SLC6A15: variants seen among roughly 807,000 people sequenced by gnomAD.
SLC6A15 encodes the protein sodium-dependent neutral amino acid transporter B(0)AT2.
A neutral mutation model predicts 68.5 loss-of-function variants in SLC6A15; 33 were observed. That is an observed-to-expected ratio of 0.48 (90% CI 0.37 to 0.64). SLC6A15 has a LOEUF of 0.64. Among genes scored for constraint, SLC6A15 ranks in the 30% least tolerant of loss-of-function variants. SLC6A15 has a pLI of 0.00. For synonymous variants in SLC6A15, 347 were observed against 301.0 expected (o/e 1.15, Z -1.58); for missense variants, 747 against 874.3 (o/e 0.85, Z 1.84).
intron 5 of SLC6A15, among the ~76,000 whole-genome samples, chr12:84,878,223 A>G (rs1871648008): frequency 6.6e-6 from 1 of 152,220 alleles, no homozygotes; most frequent in Admixed American, 6.5e-5. Flanking sequence ...TTTTAACTTA[A>G]TTGGTTGTAA....
At chr12:84,900,407 T>C (rs1418469984) in intron 1 of SLC6A15, among the ~76,000 whole-genome samples, 1 of 151,990 alleles carries the variant, frequency 6.6e-6, no homozygotes, top group Non-Finnish European at 1.5e-5. Context: ...TCAATAATGA[T>C]AATTTAACTT....
At chr12:84,884,135 T>C in intron 4 of SLC6A15, 95 bp from the exon 5 acceptor site, 4 of 1,007,536 alleles carry the variant, frequency 4.0e-6, no homozygotes, top group Non-Finnish European at 5.9e-6. Flanking sequence ...TTCTTAATGC[T>C]TCCTAGAAAA....
At chr12:84,864,898 A>G (rs1871005483) in intron 10 of SLC6A15, among the ~76,000 whole-genome samples, 1 of 152,118 alleles carries the variant, frequency 6.6e-6, no homozygotes, top group Non-Finnish European at 1.5e-5. Flanking sequence ...TTAGCATACT[A>G]CCTCACATAT....
At chr12:84,879,693 G>T (rs984889906) in intron 5 of SLC6A15, among the ~76,000 whole-genome samples, 4 of 151,772 alleles carry the variant, frequency 2.6e-5, no homozygotes, top group African/African-American at 9.7e-5. Flanking sequence ...ACAATATGTT[G>T]CAATATGGTT....
At chr12:84,893,306 C>CT (rs1872501583) in intron 1 of SLC6A15, among the ~76,000 whole-genome samples, 1 of 152,016 alleles carries the variant, frequency 6.6e-6, no homozygotes, top group Non-Finnish European at 1.5e-5. Context: ...TGAGGTCATA[C>CT]CCAATCATAA....
chr12:84,903,554 G>T (rs1872988912), intron 1 of SLC6A15, among the ~76,000 whole-genome samples: 1 of 152,100 alleles, frequency 6.6e-6, no homozygotes. Flanking sequence ...CGTTACCAGG[G>T]TGGTATTTTC....
In SLC6A15 at chr12:84,901,840, T is replaced by G. The variant is rs183838576; in HGVS notation, c.-188-9532A>C. Reference sequence around the variant, plus strand: ...TAAAATTTCACTGAAAAAAAAGTTTTATTTAAATACAAACTAATTTGAATA... The same window carrying G: ...TAAAATTTCACTGAAAAAAAAGTTTGATTTAAATACAAACTAATTTGAATA... On this transcript the variant is annotated intron_variant, in intron 1 of 11. Coordinates refer to ENST00000266682, the MANE Select transcript of SLC6A15 (RefSeq NM_182767.6). Among the ~76,000 whole-genome samples, 4 of 152,024 alleles carry G rather than the reference T, an allele frequency of 2.6e-5. No individual in the cohort carries two copies. In the East Asian group the frequency reaches 7.7e-4, roughly 29 times the overall value.
intron 5 of SLC6A15, chr12:84,883,274 C>T (rs905933590): frequency 6.1e-6 from 6 of 985,376 alleles, no homozygotes; most frequent in South Asian, 9.4e-5. Context: ...TTTTAAACCA[C>T]AACCATTCTA....
At chr12:84,875,689 TATATATATATGAG>T (rs1307362717) in intron 6 of SLC6A15, among the ~76,000 whole-genome samples, 5 of 2,450 alleles carry the variant, frequency 2.0e-3, no homozygotes, top group Non-Finnish European at 5.0e-3. Context: ...TATATATATA[TATATATATATGAG>T]AATCAAAAAC....
At chr12:84,903,117 A>T (rs1872963303) in intron 1 of SLC6A15, among the ~76,000 whole-genome samples, 1 of 152,282 alleles carries the variant, frequency 6.6e-6, no homozygotes, top group Non-Finnish European at 1.5e-5. Flanking sequence ...TGAAATCGTA[A>T]TTATTTCAAA....
intron 5 of SLC6A15, chr12:84,883,435 T>C: frequency 9.1e-7 from 1 of 1,097,652 alleles, no homozygotes; most frequent in Non-Finnish European, 1.1e-6. Context: ...CAGCTATTCC[T>C]TAGAACACCT....
rs1385309744 is a variant in SLC6A15, at chr12:84,860,649, A to T, written c.*983T>A. On this transcript the variant is annotated 3_prime_UTR_variant, in exon 12 of 12. Transcript: ENST00000266682. ...AAGAAAATCAATGTGAAAAACAAACATCATTTTTAAACTTTGTTTATTTGT... is the reference window on the plus strand; with the variant it reads ...AAGAAAATCAATGTGAAAAACAAACTTCATTTTTAAACTTTGTTTATTTGT... 1 of 152,138 alleles carries T rather than the reference A, an allele frequency of 6.6e-6. No homozygotes were observed. Among genetic ancestry groups the T allele is most frequent in the Non-Finnish European group, 1.5e-5 (1 of 68,002 alleles). The allele number at this position is 152,138 out of a possible 1,614,324, so 9.4% of individuals were successfully genotyped here. A position where few individuals can be genotyped will look rare whatever the true frequency, so the allele number is the denominator to read the frequency against.
chr12:84,873,232 T>G lies in SLC6A15; in HGVS notation c.964A>C (p.Ser322Arg). The part of the protein sequence containing the change: ...LGFGGVIAFS[S>R]YNKRDNNCHF... ...CAGTTGTTGTCTCTCTTGTTGTAGCTTGAAAAGGCAATGACACCACCAAAT... is the reference window on the plus strand; with the variant it reads ...CAGTTGTTGTCTCTCTTGTTGTAGCGTGAAAAGGCAATGACACCACCAAAT... Residue 322 changes from serine to arginine, a missense_variant, in exon 7 of 12, where the codon AGC becomes CGC. Coordinates refer to ENST00000266682, the MANE Select transcript of SLC6A15 (RefSeq NM_182767.6). 1 of 1,614,094 alleles carries G rather than the reference T, an allele frequency of 6.2e-7. No homozygotes were observed. Among genetic ancestry groups the G allele is most frequent in the Non-Finnish European group, 8.5e-7 (1 of 1,179,986 alleles).
intron 8 of SLC6A15, among the ~76,000 whole-genome samples, chr12:84,872,093 G>A (rs1157390869): frequency 6.6e-6 from 1 of 151,084 alleles, no homozygotes; most frequent in Non-Finnish European, 1.5e-5. Flanking sequence ...GGAAGCAGAG[G>A]ATGCAGTGAG....
chr12:84,900,046 A>G (rs1872790708), intron 1 of SLC6A15, among the ~76,000 whole-genome samples: 1 of 152,076 alleles, frequency 6.6e-6, no homozygotes, highest in African/African-American at 2.4e-5. Flanking sequence ...TTAAAATTGA[A>G]TTACATTGAT....
Position 84,888,106 on chromosome 12 carries a change from A to T in SLC6A15, c.290-2038T>A, listed in dbSNP as rs549189724. On this transcript the variant is annotated intron_variant, in intron 2 of 11. Coordinates refer to ENST00000266682, the MANE Select transcript of SLC6A15 (RefSeq NM_182767.6). ...AAAATACAAAAAACAAAGGAAAAAAAAAAACAGCTGAGCGTGGGCTGCGCG... is the reference window on the plus strand; with the variant it reads ...AAAATACAAAAAACAAAGGAAAAAATAAAACAGCTGAGCGTGGGCTGCGCG... 4.6e-5 allele frequency among the ~76,000 whole-genome samples: 7 copies of T among 151,636 alleles called. 2 individuals are homozygous for T. The highest frequency in any genetic ancestry group is 1.5e-4 in the African/African-American group (6 of 41,364).
At chr12:84,876,180 A>G (rs1161328165) in intron 6 of SLC6A15, among the ~76,000 whole-genome samples, 3 of 151,918 alleles carry the variant, frequency 2.0e-5, no homozygotes, top group Non-Finnish European at 4.4e-5. Context: ...AAGGGGAAAG[A>G]GTTAAGGAAG....
At chr12:84,876,406 A>G in intron 6 of SLC6A15, 91 bp downstream of exon 6, 2 of 723,370 alleles carry the variant, frequency 2.8e-6, no homozygotes, top group Non-Finnish European at 4.5e-6. Flanking sequence ...ATACATTAGA[A>G]CAATTATTCC....
At chr12:84,863,069 G>A (rs994227789) in intron 11 of SLC6A15, among the ~76,000 whole-genome samples, 3 of 152,064 alleles carry the variant, frequency 2.0e-5, no homozygotes, top group African/African-American at 7.2e-5. Flanking sequence ...GGGATTATAG[G>A]TATGAGTCAC....
Sources: gnomAD v4.1 joint callset for allele counts (sites outside exome capture counted in the v4.1 genomes callset) on GRCh38, gnomAD v4.1.1 for gene constraint, MANE v1.5 for transcripts, NCBI Gene and HGNC (gene_info 2026-07-23, HGNC 2026-07-21) for gene names.